The following STK3 variants were observed in gnomAD, a reference collection of about 807,000 sequenced individuals.
STK3 encodes serine/threonine kinase 3.
STK3 carries 41 observed loss-of-function variants against 58.0 expected under a neutral mutation model. That is an observed-to-expected ratio of 0.71 (90% CI 0.55 to 0.92). The LOEUF is 0.92. Among genes scored for constraint, STK3 ranks in the 40% least tolerant of loss-of-function variants. The pLI, the probability that STK3 is intolerant of heterozygous loss-of-function variation, is 0.00. For missense variants in STK3, 479 were observed against 602.7 expected, an observed-to-expected ratio of 0.79 and a Z score of 2.15; for synonymous variants, 170 against 191.0, an observed-to-expected ratio of 0.89 and a Z score of 0.91.
rs182153730 is a variant in STK3, at chr8:98,655,448, C to T, written c.684+51019G>A. 2.0e-3 allele frequency among the ~76,000 whole-genome samples: 303 copies of T among 152,288 alleles called. 3 individuals are homozygous for T. Among genetic ancestry groups the T allele is most frequent in the Admixed American group, 8.4e-3 (129 of 15,300 alleles). ...GGGCAAGGACTTCATGTCTAAAATG[C>T]CAAAAGCAATGGCAACGAAAGCCAA... On this transcript the variant is annotated intron_variant, in intron 6 of 10. Transcript: ENST00000419617.
chr8:98,854,233 G>A (rs999204495), intron 3 of STK3, among the ~76,000 whole-genome samples: 1 of 152,018 alleles, frequency 6.6e-6, no homozygotes, highest in Non-Finnish European at 1.5e-5. Context: ...CTGCCTCCCG[G>A]GTTCAAGTGA....
At chr8:98,900,316 A>G (rs1587821434) in intron 1 of STK3, among the ~76,000 whole-genome samples, 2 of 152,098 alleles carry the variant, frequency 1.3e-5, no homozygotes, top group South Asian at 4.1e-4. Context: ...CCTGACCTCA[A>G]GTGATCTGCC....
chr8:98,758,275 A>G (rs958103145), intron 3 of STK3, among the ~76,000 whole-genome samples: 17 of 152,224 alleles, frequency 1.1e-4, no homozygotes, highest in Non-Finnish European at 2.4e-4. Flanking sequence ...GCTGAGGAAG[A>G]GAGACTCCTC....
Position 98,904,764 on chromosome 8 carries a change from C to G in STK3, c.-78-20930G>C, listed in dbSNP as rs867980055. ...AGCATGGCTGCAGCATGACGCGGTT[C>G]CACAATAGGAGGAAGTGGTGGCCGG... is the stretch of plus-strand genomic sequence containing the variant. On this transcript the variant is annotated intron_variant, in intron 1 of 1. Coordinates refer to the STK3 transcript ENST00000519420. The G allele has an allele frequency of 3.4e-5, 25 of 743,296 alleles. 1 individual carries two copies. The Middle Eastern group carries it at 4.1e-3, about 122-fold the overall frequency. 46.0% of individuals were successfully genotyped at this position (743,296 alleles called of 1,614,324 possible).
At chr8:98,705,168 C>T (rs1214347230) in intron 6 of STK3, among the ~76,000 whole-genome samples, 7 of 152,164 alleles carry the variant, frequency 4.6e-5, no homozygotes, top group Admixed American at 4.6e-4. Context: ...CTGCTGTAAT[C>T]CCAGCACTTT....
At chr8:98,809,057 C>T (rs1353100981) in intron 1 of STK3, among the ~76,000 whole-genome samples, 1 of 152,214 alleles carries the variant, frequency 6.6e-6, no homozygotes, top group East Asian at 1.9e-4. Flanking sequence ...ATGAACACAT[C>T]CACGTGCTGA....
intron 3 of STK3, among the ~76,000 whole-genome samples, chr8:98,869,681 G>A (rs1837295199): frequency 2.0e-5 from 3 of 152,020 alleles, no homozygotes; most frequent in South Asian, 2.1e-4. Context: ...AGTGAGCACC[G>A]TCCTGCCAAA....
chr8:98,474,637 G>T (rs1450391108), intron 10 of STK3, among the ~76,000 whole-genome samples: 1 of 152,166 alleles, frequency 6.6e-6, no homozygotes, highest in South Asian at 2.1e-4. Flanking sequence ...TCTGTCTACT[G>T]AGAGTGTCCT....
At chr8:98,754,945 A>G (rs1830200381) in intron 3 of STK3, among the ~76,000 whole-genome samples, 1 of 152,214 alleles carries the variant, frequency 6.6e-6, no homozygotes, top group Non-Finnish European at 1.5e-5. Context: ...CTAATCAGCA[A>G]TGCTAAGGGT....
At chr8:98,852,149 T>C (rs930473134) in intron 3 of STK3, among the ~76,000 whole-genome samples, 6 of 152,136 alleles carry the variant, frequency 3.9e-5, no homozygotes, top group Non-Finnish European at 7.4e-5. Flanking sequence ...TTCTTTTTTT[T>C]TTTTTGTAAC....
chr8:98,804,786 C>T (rs1227906376), intron 1 of STK3, among the ~76,000 whole-genome samples: 1 of 152,148 alleles, frequency 6.6e-6, no homozygotes, highest in Non-Finnish European at 1.5e-5. Flanking sequence ...TTCCAAATCA[C>T]TATGCCATAT....
chr8:98,604,265 G>C (rs1816600108), intron 6 of STK3, among the ~76,000 whole-genome samples: 1 of 152,206 alleles, frequency 6.6e-6, no homozygotes, highest in African/African-American at 2.4e-5. Context: ...ATTTTGGAAA[G>C]CTCCAAAATA....
intron 6 of STK3, among the ~76,000 whole-genome samples, chr8:98,657,351 A>C (rs1821630318): frequency 6.6e-6 from 1 of 152,126 alleles, no homozygotes; most frequent in Non-Finnish European, 1.5e-5. Flanking sequence ...TTGATTTACC[A>C]AAGGTAAAAC....
At chr8:98,694,235 G>C (rs564083433) in intron 6 of STK3, among the ~76,000 whole-genome samples, 1 of 152,116 alleles carries the variant, frequency 6.6e-6, no homozygotes, top group East Asian at 1.9e-4. Context: ...CATTATTTTT[G>C]AAAACATCAT....
At chr8:98,914,208 T>C (rs959226860) in intron 1 of STK3, among the ~76,000 whole-genome samples, 4 of 151,914 alleles carry the variant, frequency 2.6e-5, no homozygotes, top group African/African-American at 9.7e-5. Flanking sequence ...CCTCAACACT[T>C]TGGGAGGTGA....
intron 6 of STK3, among the ~76,000 whole-genome samples, chr8:98,644,026 T>C (rs111464837): frequency 0.018 from 2,680 of 152,084 alleles, 73 homozygotes; most frequent in African/African-American, 0.062. Flanking sequence ...ACAATAATAA[T>C]AACAACCACA....
chr8:98,638,438 G>A (rs934654005), intron 6 of STK3: 2 of 152,190 alleles, frequency 1.3e-5, no homozygotes, highest in African/African-American at 2.4e-5. Flanking sequence ...AATTCTGACT[G>A]CATGACTGTT....
intron 3 of STK3, among the ~76,000 whole-genome samples, chr8:98,408,081 C>G (rs1372393298): frequency 6.6e-6 from 1 of 152,152 alleles, no homozygotes; most frequent in Non-Finnish European, 1.5e-5. Context: ...GGGCAGCTCC[C>G]CTGAGCTTCC....
chr8:98,716,844 G>A (rs538515164), intron 4 of STK3, among the ~76,000 whole-genome samples: 1 of 152,018 alleles, frequency 6.6e-6, no homozygotes, highest in Non-Finnish European at 1.5e-5. Flanking sequence ...GAGGAACAGA[G>A]TAGAAAACCC....
Sources: gnomAD v4.1 joint callset for allele counts (sites outside exome capture counted in the v4.1 genomes callset) on GRCh38, gnomAD v4.1.1 for gene constraint, MANE v1.5 for transcripts, NCBI Gene and HGNC (gene_info 2026-07-23, HGNC 2026-07-21) for gene names.